Variants in EPM2A observed in about 807,000 individuals in gnomAD.
EPM2A encodes the protein EPM2A glucan phosphatase, laforin.
A neutral mutation model predicts 26.5 loss-of-function variants in EPM2A; 21 were observed. The ratio of observed to expected loss-of-function variants is 0.79; its 90% CI spans 0.56 to 1.14. The LOEUF is 1.14. Among genes scored for constraint, EPM2A ranks in the 50% most tolerant of loss-of-function variants. EPM2A has a pLI of 0.00. For missense variants in EPM2A, 458 were observed against 440.8 expected (o/e 1.04, Z -0.35); for synonymous variants, 217 against 177.6 (o/e 1.22, Z -1.76).
At chr6:145,509,780 C>A (rs1478221233) in intron 2 of EPM2A, among the ~76,000 whole-genome samples, 1 of 152,100 alleles carries the variant, frequency 6.6e-6, no homozygotes. Flanking sequence ...ATAAAAGACA[C>A]ACACTGGCAA....
intron 2 of EPM2A, 42 bp from the exon 3 acceptor site, chr6:145,635,528 T>C (rs374893852): frequency 7.5e-5 from 121 of 1,606,168 alleles, no homozygotes; most frequent in Middle Eastern, 3.3e-4. Flanking sequence ...AGTGTTGTTC[T>C]GATTTGAGGT....
chr6:145,711,471 C>G (rs906073823), intron 1 of EPM2A, among the ~76,000 whole-genome samples: 3 of 152,072 alleles, frequency 2.0e-5, no homozygotes, highest in African/African-American at 7.2e-5. Context: ...TTATAGGACT[C>G]CCAGATGTAA....
At chr6:145,678,327 G>C (rs1429911420) in intron 2 of EPM2A, among the ~76,000 whole-genome samples, 1 of 152,164 alleles carries the variant, frequency 6.6e-6, no homozygotes, top group African/African-American at 2.4e-5. Flanking sequence ...TACCATTCAG[G>C]ACACAGGCAT....
intron 2 of EPM2A, among the ~76,000 whole-genome samples, chr6:145,518,611 A>AC (rs1226331328): frequency 2.1e-5 from 3 of 143,086 alleles, no homozygotes; most frequent in African/African-American, 7.7e-5. Context: ...AAAAAAAAAA[A>AC]AAAAAAAAAA....
At chr6:145,699,656 G>A (rs960745175) in intron 1 of EPM2A, among the ~76,000 whole-genome samples, 3 of 152,166 alleles carry the variant, frequency 2.0e-5, no homozygotes, top group African/African-American at 7.2e-5. Context: ...TTATTTCAGT[G>A]GGTAGAGTGA....
At chr6:145,554,463 G>C (rs559422794) in intron 2 of EPM2A, among the ~76,000 whole-genome samples, 17 of 151,000 alleles carry the variant, frequency 1.1e-4, no homozygotes, top group South Asian at 4.2e-4. Context: ...TAGATAGATA[G>C]ATAGATACAT....
Position 145,455,164 on chromosome 6 carries a change from A to C in EPM2A, c.555+47358T>G, listed in dbSNP as rs1442620752. Among the ~76,000 whole-genome samples the C allele has an allele frequency of 2.0e-5, 3 of 152,078 alleles. No individual in the cohort carries two copies. In the East Asian group the frequency reaches 5.8e-4, roughly 29 times the overall value. On this transcript the variant is annotated intron_variant, in intron 4 of 4. Coordinates refer to the EPM2A transcript ENST00000638717. ...AAAATTGTGTTGTGGTAACAAATGGAATTTGGAAAATATAGAGGTATAATT... is the reference window on the plus strand; with the variant it reads ...AAAATTGTGTTGTGGTAACAAATGGCATTTGGAAAATATAGAGGTATAATT...
intron 2 of EPM2A, among the ~76,000 whole-genome samples, chr6:145,613,669 AC>A (rs759880167): frequency 1.3e-5 from 2 of 152,154 alleles, no homozygotes; most frequent in African/African-American, 2.4e-5. Context: ...ATTTATCAAA[AC>A]CTTTGGGTGA....
chr6:145,687,715 T>G (rs1268960456), intron 1 of EPM2A, among the ~76,000 whole-genome samples: 2 of 152,162 alleles, frequency 1.3e-5, no homozygotes, highest in African/African-American at 4.8e-5. Flanking sequence ...TCTCAAAAAA[T>G]CCTTAAATTA....
chr6:145,630,828 T>C (rs1254196766), intron 3 of EPM2A: 1 of 152,168 alleles, frequency 6.6e-6, no homozygotes, highest in Non-Finnish European at 1.5e-5. Flanking sequence ...TCTTAACAAC[T>C]ATGAGGTCAG....
intron 2 of EPM2A, among the ~76,000 whole-genome samples, chr6:145,647,408 T>C (rs1246394182): frequency 2.0e-5 from 3 of 152,232 alleles, no homozygotes; most frequent in African/African-American, 7.2e-5. Flanking sequence ...ATGATCTTCC[T>C]TGATCTCCAA....
intron 1 of EPM2A, among the ~76,000 whole-genome samples, chr6:145,708,707 G>A (rs1782367461): frequency 6.6e-6 from 1 of 152,230 alleles, no homozygotes. Context: ...GGGCAGTGCA[G>A]AAGAAAAATG....
At chr6:145,409,303 T>C (rs962165497) in intron 4 of EPM2A, among the ~76,000 whole-genome samples, 1 of 152,196 alleles carries the variant, frequency 6.6e-6, no homozygotes, top group African/African-American at 2.4e-5. Context: ...ATTGACTTCA[T>C]TACTTTGCAG....
intron 4 of EPM2A, among the ~76,000 whole-genome samples, chr6:145,391,897 C>T (rs1056566597): frequency 7.9e-5 from 12 of 151,644 alleles, no homozygotes; most frequent in Non-Finnish European, 1.5e-4. Context: ...AGATATTTCT[C>T]TTGGCCCTGG....
intron 2 of EPM2A, among the ~76,000 whole-genome samples, chr6:145,530,258 G>A (rs1293579556): frequency 6.6e-6 from 1 of 152,160 alleles, no homozygotes; most frequent in East Asian, 1.9e-4. Context: ...AACAATCTGG[G>A]CTATTCCCTC....
chr6:145,657,089 CTTTTTTTTTT>C (rs5880652), intron 2 of EPM2A, among the ~76,000 whole-genome samples: 1 of 121,826 alleles, frequency 8.2e-6, no homozygotes, highest in Admixed American at 9.0e-5. Context: ...GTCATTTTTC[CTTTTTTTTTT>C]TTTTTTTTGA....
At chr6:145,491,033 A>G in intron 4 of EPM2A, 1 of 902,796 alleles carries the variant, frequency 1.1e-6, no homozygotes, top group South Asian at 1.3e-5. Flanking sequence ...CCTCAATTTC[A>G]ACAGGTTCTG....
At chr6:145,585,952 A>G (rs1451915146) in intron 2 of EPM2A, among the ~76,000 whole-genome samples, 1 of 152,028 alleles carries the variant, frequency 6.6e-6, no homozygotes, top group Non-Finnish European at 1.5e-5. Context: ...AACAGGAACT[A>G]CTCCAGTCTT....
chr6:145,496,233 A>G (rs1004277139), intron 4 of EPM2A, among the ~76,000 whole-genome samples: 20 of 151,854 alleles, frequency 1.3e-4, no homozygotes, highest in African/African-American at 4.4e-4. Context: ...TGCCCTTACT[A>G]TTGTTTCTTT....
Sources: allele counts gnomAD v4.1 joint callset (sites outside exome capture counted in the v4.1 genomes callset), GRCh38; gene constraint gnomAD v4.1.1; transcripts MANE v1.5; gene names NCBI Gene and HGNC (gene_info 2026-07-23, HGNC 2026-07-21).